CSRNP3: variants seen among roughly 807,000 people sequenced by gnomAD.
The protein encoded by CSRNP3 is cysteine and serine rich nuclear protein 3, also known as cysteine/serine-rich nuclear protein 3.
Under a neutral mutation model 48.0 loss-of-function variants are expected in CSRNP3, and 12 were observed. That is an observed-to-expected ratio of 0.25 (90% CI 0.16 to 0.41). The LOEUF is 0.41. Among genes scored for constraint, CSRNP3 ranks in the 10% least tolerant of loss-of-function variants. The pLI is 1.00. For synonymous variants in CSRNP3, 263 were observed against 269.7 expected (o/e 0.98, Z 0.24); for missense variants, 580 against 724.4 (o/e 0.80, Z 2.29).
chr2:165,643,435 C>T (rs1161276413), intron 4 of CSRNP3, among the ~76,000 whole-genome samples: 1 of 152,186 alleles, frequency 6.6e-6, no homozygotes, highest in Non-Finnish European at 1.5e-5. Flanking sequence ...TACAAACCCA[C>T]TATGTGCATA....
rs1443670741 is a variant in CSRNP3, at chr2:165,681,799, ATGTATGTGTGTGTG to A, written c.*2050_*2063del. The A allele has an allele frequency of 1.5e-5, 2 of 129,422 alleles. No individual in the cohort carries two copies. The highest frequency in any genetic ancestry group is 2.4e-4 in the South Asian group (1 of 4,132). 8.0% of individuals were successfully genotyped at this position (129,422 alleles called of 1,614,324 possible). ...CACATACACATATATATACACATAT[ATGTATGTGTGTGTG>A]TGTGTGTGTGTGTGTGTATATATAT... On this transcript the variant is annotated 3_prime_UTR_variant, in exon 7 of 7. Transcript: ENST00000651982.
intron 1 of CSRNP3, among the ~76,000 whole-genome samples, chr2:165,491,777 A>C: frequency 8.6e-6 from 1 of 115,940 alleles, no homozygotes. Flanking sequence ...AGGAAGGGGA[A>C]TATCACACTC....
chr2:165,515,334 A>G (rs1574814902), intron 2 of CSRNP3, among the ~76,000 whole-genome samples: 1 of 118,978 alleles, frequency 8.4e-6, no homozygotes, highest in Non-Finnish European at 1.8e-5. Flanking sequence ...AAAAAAAAAA[A>G]ATACATATAT....
intron 2 of CSRNP3, among the ~76,000 whole-genome samples, chr2:165,506,069 A>G (rs1039460767): frequency 6.6e-6 from 1 of 152,114 alleles, no homozygotes; most frequent in African/African-American, 2.4e-5. Flanking sequence ...CCTGTCCATC[A>G]TGACTTGGAT....
chr2:165,518,826 A>G (rs775708518), intron 3 of CSRNP3, among the ~76,000 whole-genome samples: 1 of 152,028 alleles, frequency 6.6e-6, no homozygotes, highest in Non-Finnish European at 1.5e-5. Context: ...AGGACTTAGC[A>G]TATGCAAAGC....
chr2:165,551,788 A>T (rs1002912298), intron 3 of CSRNP3, among the ~76,000 whole-genome samples: 3 of 148,770 alleles, frequency 2.0e-5, no homozygotes, highest in Admixed American at 1.3e-4. Context: ...ACGAATTATT[A>T]AAAAAAAAAA....
At position 165,657,987 on chromosome 2, in the gene CSRNP3, T is replaced by C; in HGVS notation, c.375T>C (p.Leu125=). The stretch of plus-strand genomic sequence containing the variant: ...ACCGGGAGATGTTGAGAGAACACCT[T>C]AGGGAGGAAAAGCTGAACTCCTTAA... ...RLHREMLREH[L]REEKLNSLKL... The change falls in exon 5 of 7, where the codon CTT becomes CTC. Residue 125 remains leucine, a synonymous_variant. Coordinates refer to ENST00000651982, the MANE Select transcript of CSRNP3 (RefSeq NM_001172173.2). 6.2e-7 allele frequency: 1 copy of C among 1,613,530 alleles called. No homozygotes were observed. Among genetic ancestry groups the C allele is most frequent in the Middle Eastern group, 1.7e-4 (1 of 5,936 alleles).
At chr2:165,534,391 G>A (rs1684855202) in intron 3 of CSRNP3, among the ~76,000 whole-genome samples, 1 of 151,958 alleles carries the variant, frequency 6.6e-6, no homozygotes, top group African/African-American at 2.4e-5. Flanking sequence ...TGAAAAGTGT[G>A]TAGGACAGAT....
intron 5 of CSRNP3, among the ~76,000 whole-genome samples, chr2:165,666,035 G>T (rs1375941827): frequency 2.3e-5 from 1 of 43,254 alleles, no homozygotes; most frequent in Admixed American, 2.4e-4. Flanking sequence ...GAGAGAGGAA[G>T]GGAGGAAGGA....
At chr2:165,644,329 ACT>A (rs1686776580) in intron 4 of CSRNP3, among the ~76,000 whole-genome samples, 1 of 152,228 alleles carries the variant, frequency 6.6e-6, no homozygotes, top group Non-Finnish European at 1.5e-5. Flanking sequence ...AGGTAAAGTG[ACT>A]AGAAATTATT....
chr2:165,665,703 T>A (rs151310767), intron 5 of CSRNP3, among the ~76,000 whole-genome samples: 1 of 151,010 alleles, frequency 6.6e-6, no homozygotes, highest in African/African-American at 2.4e-5. Flanking sequence ...AAGGTTGCAG[T>A]GAGCTATGAT....
intron 4 of CSRNP3, among the ~76,000 whole-genome samples, chr2:165,625,517 C>T (rs879889846): frequency 6.6e-6 from 1 of 151,532 alleles, no homozygotes; most frequent in Non-Finnish European, 1.5e-5. Context: ...GCTTGTAATC[C>T]CAGCTACTTG....
intron 1 of CSRNP3, among the ~76,000 whole-genome samples, chr2:165,489,174 C>T (rs1182972655): frequency 6.6e-6 from 1 of 151,292 alleles, no homozygotes; most frequent in Admixed American, 6.6e-5. Flanking sequence ...AACACCTCTA[C>T]ACAAATAAAC....
intron 1 of CSRNP3, among the ~76,000 whole-genome samples, chr2:165,478,198 A>G (rs866652809): frequency 6.6e-6 from 1 of 152,208 alleles, no homozygotes; most frequent in Non-Finnish European, 1.5e-5. Flanking sequence ...TTTAAGACAG[A>G]TGTATATCTA....
chr2:165,518,766 T>G (rs1446512249), intron 3 of CSRNP3, among the ~76,000 whole-genome samples: 1 of 152,018 alleles, frequency 6.6e-6, no homozygotes, highest in Non-Finnish European at 1.5e-5. Flanking sequence ...AGGCATGTCT[T>G]CAGTATCTGT....
intron 3 of CSRNP3, among the ~76,000 whole-genome samples, chr2:165,569,962 A>C (rs1685346827): frequency 6.6e-6 from 1 of 152,008 alleles, no homozygotes; most frequent in Admixed American, 6.6e-5. Flanking sequence ...GTGTTGTTAG[A>C]ATAATTTATT....
At chr2:165,537,904 G>A (rs1309291583) in intron 3 of CSRNP3, among the ~76,000 whole-genome samples, 1 of 151,840 alleles carries the variant, frequency 6.6e-6, no homozygotes. Flanking sequence ...TGTCTACCAT[G>A]TGCACAGGCA....
chr2:165,584,875 A>G (rs1481279944), intron 3 of CSRNP3, among the ~76,000 whole-genome samples: 1 of 152,186 alleles, frequency 6.6e-6, no homozygotes, highest in Non-Finnish European at 1.5e-5. Context: ...TACTAACACT[A>G]AGGATAGATG....
At chr2:165,594,973 T>G in intron 3 of CSRNP3, 70 bp from the exon 4 acceptor site, 1 of 1,418,694 alleles carries the variant, frequency 7.0e-7, no homozygotes, top group Non-Finnish European at 9.8e-7. Context: ...TAAAAATGAC[T>G]CTGGAGACCT....
Sources: gnomAD v4.1 joint callset for allele counts (sites outside exome capture counted in the v4.1 genomes callset) on GRCh38, gnomAD v4.1.1 for gene constraint, MANE v1.5 for transcripts, NCBI Gene and HGNC (gene_info 2026-07-23, HGNC 2026-07-21) for gene names.